Variants in CREBBP observed in about 807,000 individuals in gnomAD.
CREBBP encodes CREB-binding protein.
CREBBP carries 19 observed loss-of-function variants against 265.0 expected under a neutral mutation model. The ratio of observed to expected loss-of-function variants is 0.07; its 90% CI spans 0.05 to 0.11. The LOEUF is 0.11. Ranked by LOEUF, CREBBP falls within the 10% of genes least tolerant of loss-of-function variation. The pLI is 1.00. For missense variants in CREBBP, 2,525 were observed against 3,219.0 expected, an observed-to-expected ratio of 0.78 and a Z score of 5.22; for synonymous variants, 1,457 against 1,223.7, an observed-to-expected ratio of 1.19 and a Z score of -3.98.
intron 30 of CREBBP, 140 bp from the exon 31 acceptor site, chr16:3,730,014 GCACGGACAGGTGGGAGA>G: frequency 7.1e-7 from 1 of 1,409,702 alleles, no homozygotes; most frequent in African/African-American, 1.4e-5. Context: ...CAGGATGCGA[GCACGGACAGGTGGGAGA>G]CCCGGACAGG....
chr16:3,771,144 C>T (rs1177453778), intron 13 of CREBBP, among the ~76,000 whole-genome samples, 158 bp from the exon 14 acceptor site: 1 of 152,110 alleles, frequency 6.6e-6, no homozygotes, highest in African/African-American at 2.4e-5. Context: ...TCTCGGCTCA[C>T]TGCAGCCTCC....
chr16:3,866,865 G>A (rs1251166920), intron 1 of CREBBP, among the ~76,000 whole-genome samples: 1 of 152,006 alleles, frequency 6.6e-6, no homozygotes, highest in African/African-American at 2.4e-5. Context: ...CCCCTCCTAA[G>A]TACCCATCAC....
At chr16:3,855,168 A>G (rs2054932988) in intron 1 of CREBBP, among the ~76,000 whole-genome samples, 1 of 152,246 alleles carries the variant, frequency 6.6e-6, no homozygotes, top group Admixed American at 6.5e-5. Flanking sequence ...GATCTAATTC[A>G]GGATCATGGT....
chr16:3,745,648 A>G (rs575360111), intron 21 of CREBBP: 42 of 461,846 alleles, frequency 9.1e-5, no homozygotes, highest in African/African-American at 6.9e-4. Context: ...CGACAAATAC[A>G]TATTTCACAG....
chr16:3,816,916 A>C (rs1477874037), intron 2 of CREBBP, among the ~76,000 whole-genome samples: 7 of 152,178 alleles, frequency 4.6e-5, no homozygotes, highest in Admixed American at 4.6e-4. Context: ...AGAACCACGA[A>C]CAAGTGACCA....
intron 6 of CREBBP, 45 bp downstream of exon 6, chr16:3,782,639 T>C (rs1288216460): frequency 6.2e-7 from 1 of 1,610,480 alleles, no homozygotes; most frequent in Non-Finnish European, 8.5e-7. Flanking sequence ...TTCCCTTTGC[T>C]GCATGTGGAC....
Position 3,771,072 on chromosome 16 carries a change from A to G in CREBBP, c.2464-86T>C, listed in dbSNP as rs536649847. The G allele has an allele frequency of 1.1e-4, 171 of 1,546,284 alleles. 2 individuals are homozygous for G. The South Asian group carries it at 1.9e-3, about 17-fold the overall frequency. ...ATTTGAAAAATTAAATGTATGAAAAAAAAATTTTTTTTTTTGAGACAGTTT... is the reference window on the plus strand; with the variant it reads ...ATTTGAAAAATTAAATGTATGAAAAGAAAATTTTTTTTTTTGAGACAGTTT... On this transcript the variant is annotated intron_variant, in intron 13 of 30. Transcript: ENST00000262367.
chr16:3,824,092 G>C (rs2054193482), intron 2 of CREBBP, among the ~76,000 whole-genome samples: 1 of 152,208 alleles, frequency 6.6e-6, no homozygotes, highest in Admixed American at 6.5e-5. Context: ...AAAGGTAAGA[G>C]ACACAAGCCA....
chr16:3,756,383 T>C (rs1188660629), intron 19 of CREBBP, among the ~76,000 whole-genome samples: 1 of 152,264 alleles, frequency 6.6e-6, no homozygotes, highest in Non-Finnish European at 1.5e-5. Flanking sequence ...ACAGATAAGC[T>C]GACTTCTCAA....
At chr16:3,756,586 C>G (rs1430867687) in intron 19 of CREBBP, among the ~76,000 whole-genome samples, 1 of 152,202 alleles carries the variant, frequency 6.6e-6, no homozygotes, top group Non-Finnish European at 1.5e-5. Context: ...TAGGAGGCAA[C>G]AGAATCACAT....
At chr16:3,787,576 C>T (rs1322961279) in intron 5 of CREBBP, among the ~76,000 whole-genome samples, 2 of 151,746 alleles carry the variant, frequency 1.3e-5, no homozygotes, top group African/African-American at 2.4e-5. Context: ...ATGGGCTATT[C>T]GATGAGTGGC....
At chr16:3,791,771 A>G (rs1042150676) in intron 5 of CREBBP, among the ~76,000 whole-genome samples, 1 of 152,158 alleles carries the variant, frequency 6.6e-6, no homozygotes, top group African/African-American at 2.4e-5. Context: ...GCAGTGAGTG[A>G]GTCAGGGTCC....
At position 3,773,755 on chromosome 16, in the gene CREBBP, G is replaced by GAC. The variant is rs2053069159; in HGVS notation, c.2457_2458dup (p.Ser820CysfsTer30). On this transcript the variant is annotated frameshift_variant, in exon 13 of 31. Transcript: ENST00000262367. LOFTEE classifies it high-confidence loss of function. ...GGTCCCAGTGGGGCACAGTACCTGT[G>GAC]ACACGCCTGTTTGGGCTGGCGGCTG... is the stretch of plus-strand genomic sequence containing the variant. 1 of 1,613,864 alleles carries GAC rather than the reference G, an allele frequency of 6.2e-7. No individual in the cohort carries two copies. The highest frequency in any genetic ancestry group is 1.7e-5 in the Admixed American group (1 of 60,008).
At chr16:3,795,688 G>C (rs1299798144) in intron 3 of CREBBP, among the ~76,000 whole-genome samples, 1 of 152,190 alleles carries the variant, frequency 6.6e-6, no homozygotes, top group Non-Finnish European at 1.5e-5. Flanking sequence ...CAAGCATGCA[G>C]TACTGGTGTT....
chr16:3,771,962 T>C (rs1381681339), intron 13 of CREBBP, among the ~76,000 whole-genome samples: 1 of 151,828 alleles, frequency 6.6e-6, no homozygotes, highest in Admixed American at 6.6e-5. Flanking sequence ...AGGCGTGCAA[T>C]ACCATGCCTA....
chr16:3,836,611 G>C (rs1470636872), intron 2 of CREBBP, among the ~76,000 whole-genome samples: 1 of 152,042 alleles, frequency 6.6e-6, no homozygotes, highest in Non-Finnish European at 1.5e-5. Context: ...TATAAGATCT[G>C]TGCATTTCAT....
intron 27 of CREBBP, 113 bp from the exon 28 acceptor site, chr16:3,736,316 T>C: frequency 9.0e-6 from 10 of 1,107,372 alleles, no homozygotes; most frequent in Middle Eastern, 2.6e-4. Flanking sequence ...CAGAGTCCCA[T>C]GCATGTGTGC....
chr16:3,742,041 A>T (rs1451120575), intron 23 of CREBBP: 6 of 152,072 alleles, frequency 3.9e-5, no homozygotes. Flanking sequence ...ACATCACGTG[A>T]CTGCACTCCA....
intron 3 of CREBBP, among the ~76,000 whole-genome samples, chr16:3,802,114 ATTTTTTTTTTTTTTTTT>A (rs71133657): frequency 1.2e-3 from 59 of 50,592 alleles, no homozygotes; most frequent in African/African-American, 4.7e-3. Flanking sequence ...GTATTCCTTA[ATTTTTTTTTTTTTTTTT>A]TTTTTTTTTT....
Sources: allele counts gnomAD v4.1 joint callset (sites outside exome capture counted in the v4.1 genomes callset), GRCh38; gene constraint gnomAD v4.1.1; transcripts MANE v1.5; gene names NCBI Gene and HGNC (gene_info 2026-07-23, HGNC 2026-07-21).